The following LARGE1 variants were observed in gnomAD, a reference collection of about 807,000 sequenced individuals.
The protein encoded by LARGE1 is xylosyl- and glucuronyltransferase LARGE1.
A neutral mutation model predicts 87.6 loss-of-function variants in LARGE1; 43 were observed. The observed-to-expected ratio is 0.49, with a 90% confidence interval of 0.38 to 0.63. LARGE1 has a LOEUF of 0.63. Among genes scored for constraint, LARGE1 ranks in the 30% least tolerant of loss-of-function variants. The probability of loss-of-function intolerance (pLI) is 0.00; values close to 1 mark genes in which losing one functional copy is unlikely to be tolerated. For synonymous variants in LARGE1, 434 were observed against 394.6 expected, an observed-to-expected ratio of 1.10 and a Z score of -1.18; for missense variants, 802 against 1,000.2, an observed-to-expected ratio of 0.80 and a Z score of 2.67.
At chr22:33,088,050 TAACACACACACACACACA>T in the LARGE1 span, among the ~76,000 whole-genome samples, 6 of 144,038 alleles carry the variant, frequency 4.2e-5, no homozygotes, top group South Asian at 9.4e-4. Context: ...AGCACAGGCC[TAACACACACACACACACA>T]AACACACACA....
the LARGE1 span, among the ~76,000 whole-genome samples, chr22:33,113,913 C>T: frequency 6.6e-6 from 1 of 151,496 alleles, no homozygotes. Flanking sequence ...CTCTATCGCC[C>T]AGGCTGGAGT....
At chr22:33,783,458 G>A (rs975474160) in intron 1 of LARGE1, among the ~76,000 whole-genome samples, 2 of 152,130 alleles carry the variant, frequency 1.3e-5, no homozygotes, top group African/African-American at 4.8e-5. Context: ...CCAGCTACTT[G>A]GGAGGCTGTG....
At chr22:33,571,174 T>A (rs775430777) in intron 5 of LARGE1, among the ~76,000 whole-genome samples, 7 of 152,196 alleles carry the variant, frequency 4.6e-5, no homozygotes, top group Non-Finnish European at 1.0e-4. Context: ...TGCCCAAGAT[T>A]ATCACCTAAT....
chr22:33,381,105 A>C (rs1254157631), intron 9 of LARGE1, among the ~76,000 whole-genome samples: 1 of 152,170 alleles, frequency 6.6e-6, no homozygotes, highest in African/African-American at 2.4e-5. Context: ...AAAACACCAT[A>C]CTGGCTTGCT....
intron 11 of LARGE1, among the ~76,000 whole-genome samples, chr22:33,247,253 T>G (rs949586284): frequency 1.3e-5 from 2 of 152,204 alleles, no homozygotes; most frequent in South Asian, 2.1e-4. Context: ...TTACTTCAAT[T>G]ACTTAGAATG....
At chr22:33,169,667 T>C (rs1922456253) in intron 11 of LARGE1, among the ~76,000 whole-genome samples, 1 of 151,662 alleles carries the variant, frequency 6.6e-6, no homozygotes, top group African/African-American at 2.4e-5. Flanking sequence ...CTGGCTAACA[T>C]GGTGAAACCC....
intron 3 of LARGE1, among the ~76,000 whole-genome samples, chr22:33,648,501 A>T (rs1002924906): frequency 1.3e-5 from 2 of 152,136 alleles, no homozygotes; most frequent in Admixed American, 6.6e-5. Context: ...ATCCAAACTA[A>T]CCCTTTCTAA....
intron 9 of LARGE1, among the ~76,000 whole-genome samples, chr22:33,381,695 C>A (rs1349857677): frequency 1.3e-5 from 2 of 152,116 alleles, no homozygotes; most frequent in Admixed American, 6.5e-5. Flanking sequence ...AATAACCACA[C>A]AAGCTGGTTC....
intron 7 of LARGE1, among the ~76,000 whole-genome samples, chr22:33,431,193 T>C (rs1423118293): frequency 1.3e-5 from 2 of 152,174 alleles, no homozygotes; most frequent in African/African-American, 2.4e-5. Context: ...CTGATGGGAA[T>C]TGAGCCTCAG....
At chr22:33,457,990 G>A (rs1404417757) in intron 6 of LARGE1, among the ~76,000 whole-genome samples, 1 of 152,044 alleles carries the variant, frequency 6.6e-6, no homozygotes, top group African/African-American at 2.4e-5. Context: ...TGTCAAATGA[G>A]GCTAATAAAA....
At chr22:33,533,054 A>G (rs989700421) in intron 6 of LARGE1, among the ~76,000 whole-genome samples, 1 of 152,218 alleles carries the variant, frequency 6.6e-6, no homozygotes, top group Non-Finnish European at 1.5e-5. Flanking sequence ...AACATCAAGT[A>G]TATGCATGTC....
At chr22:33,702,930 G>A (rs2082442034) in intron 2 of LARGE1, among the ~76,000 whole-genome samples, 3 of 152,146 alleles carry the variant, frequency 2.0e-5, no homozygotes, top group Admixed American at 6.5e-5. Flanking sequence ...CTGAGACGGG[G>A]TTCTAAAGGG....
At chr22:33,378,007 G>A (rs948754290) in intron 9 of LARGE1, among the ~76,000 whole-genome samples, 2 of 151,422 alleles carry the variant, frequency 1.3e-5, no homozygotes, top group Non-Finnish European at 2.9e-5. Context: ...TTTATATCTG[G>A]TAAGTCCAAT....
At chr22:33,803,880 T>C (rs557398657) in intron 1 of LARGE1, among the ~76,000 whole-genome samples, 64 of 152,308 alleles carry the variant, frequency 4.2e-4, no homozygotes, top group Non-Finnish European at 1.0e-4. Context: ...ATTGTTTGCA[T>C]CAACAGTTTA....
intron 11 of LARGE1, among the ~76,000 whole-genome samples, chr22:33,171,225 T>G (rs537769951): frequency 6.6e-6 from 1 of 152,220 alleles, no homozygotes; most frequent in Non-Finnish European, 1.5e-5. Flanking sequence ...TTCAGTCATA[T>G]GGGTTCACGA....
intron 6 of LARGE1, among the ~76,000 whole-genome samples, chr22:33,451,349 T>TTTTTA (rs1377851265): frequency 3.3e-5 from 4 of 122,346 alleles, no homozygotes; most frequent in Middle Eastern, 3.7e-3. Context: ...GCCAAAAAAA[T>TTTTTA]TCTTATTTTA....
At chr22:33,138,826 G>A in the LARGE1 span, among the ~76,000 whole-genome samples, 36 of 152,222 alleles carry the variant, frequency 2.4e-4, no homozygotes, top group Non-Finnish European at 3.8e-4. Context: ...GTTTTGAAAC[G>A]TGAGGACATG....
chr22:33,496,000 C>A (rs1468190353), intron 6 of LARGE1, among the ~76,000 whole-genome samples: 1 of 152,110 alleles, frequency 6.6e-6, no homozygotes, highest in Non-Finnish European at 1.5e-5. Flanking sequence ...TTAAGGAGTA[C>A]TGACTCACAC....
At chr22:33,355,579 C>T (rs970231724) in intron 9 of LARGE1, among the ~76,000 whole-genome samples, 4 of 152,208 alleles carry the variant, frequency 2.6e-5, no homozygotes, top group East Asian at 1.9e-4. Context: ...TCTCTGATCA[C>T]GGCCAAGTTA....
Sources: allele counts gnomAD v4.1 joint callset (sites outside exome capture counted in the v4.1 genomes callset), GRCh38; gene constraint gnomAD v4.1.1; transcripts MANE v1.5; gene names NCBI Gene and HGNC (gene_info 2026-07-23, HGNC 2026-07-21).